The following PRKD1 variants were observed in gnomAD, a reference collection of about 807,000 sequenced individuals.
PRKD1 encodes protein kinase D1, also known as serine/threonine-protein kinase D1.
PRKD1 carries 63 observed loss-of-function variants against 95.9 expected under a neutral mutation model. The ratio of observed to expected loss-of-function variants is 0.66; its 90% CI spans 0.54 to 0.81. The LOEUF (loss-of-function observed/expected upper bound fraction) is 0.81, where lower values mean the gene tolerates loss of function less well. Among genes scored for constraint, PRKD1 ranks in the 30% least tolerant of loss-of-function variants. The probability of loss-of-function intolerance (pLI) is 0.00; values close to 1 mark genes in which losing one functional copy is unlikely to be tolerated. For synonymous variants in PRKD1, 425 were observed against 423.1 expected (o/e 1.00, Z -0.05); for missense variants, 1,048 against 1,165.3 (o/e 0.90, Z 1.47).
At chr14:29,718,066 A>G (rs1885713339) in intron 2 of PRKD1, among the ~76,000 whole-genome samples, 1 of 152,160 alleles carries the variant, frequency 6.6e-6, no homozygotes, top group African/African-American at 2.4e-5. Context: ...CTATGGTAAC[A>G]TTCCAATCTG....
At chr14:29,916,185 C>T (rs1240729323) in intron 1 of PRKD1, among the ~76,000 whole-genome samples, 1 of 152,150 alleles carries the variant, frequency 6.6e-6, no homozygotes. Context: ...ATAAGCTTTT[C>T]AAAATTCTTA....
chr14:29,870,463 G>T (rs530465488), intron 1 of PRKD1, among the ~76,000 whole-genome samples: 10 of 152,212 alleles, frequency 6.6e-5, no homozygotes, highest in Admixed American at 3.9e-4. Context: ...TTTTCATAAA[G>T]TGCTAATCAA....
chr14:29,636,615 GTTTA>G, intron 6 of PRKD1, 121 bp from the exon 7 acceptor site: 1 of 950,722 alleles, frequency 1.1e-6, no homozygotes, highest in Non-Finnish European at 1.5e-6. Flanking sequence ...TCTGTGATGA[GTTTA>G]TTTTTTATTT....
At chr14:29,732,917 T>C (rs942836681) in intron 1 of PRKD1, among the ~76,000 whole-genome samples, 2 of 151,490 alleles carry the variant, frequency 1.3e-5, no homozygotes, top group Non-Finnish European at 2.9e-5. Flanking sequence ...TGAAGTGTTT[T>C]TTTTTTTTTT....
rs138749638 is a variant in PRKD1, at chr14:29,906,351, C to A, written c.264+20898G>T. Among the ~76,000 whole-genome samples, 1,323 of 152,102 alleles carry A rather than the reference C, an allele frequency of 8.7e-3. 7 individuals carry two copies. Among genetic ancestry groups the A allele is most frequent in the Non-Finnish European group, 0.013 (851 of 67,976 alleles). On this transcript the variant is annotated intron_variant, in intron 1 of 17. Coordinates refer to ENST00000331968, the MANE Select transcript of PRKD1 (RefSeq NM_002742.3). ...CCCAGGAGTTCAAGACCAGCCTGGG[C>A]AACACAGGGAGACTCCGTCTCTACA... is the stretch of plus-strand genomic sequence containing the variant.
intron 1 of PRKD1, among the ~76,000 whole-genome samples, chr14:29,813,066 T>C (rs1594541588): frequency 6.6e-6 from 1 of 152,206 alleles, no homozygotes; most frequent in Admixed American, 6.5e-5. Context: ...GCTGAGATCA[T>C]GCCATTGCAC....
At chr14:29,841,817 T>A (rs1039707847) in intron 1 of PRKD1, among the ~76,000 whole-genome samples, 2 of 152,066 alleles carry the variant, frequency 1.3e-5, no homozygotes, top group Non-Finnish European at 2.9e-5. Flanking sequence ...TTTTTAATTT[T>A]AACTTTTAAA....
At chr14:29,694,922 T>C (rs1019484141) in intron 2 of PRKD1, among the ~76,000 whole-genome samples, 7 of 152,102 alleles carry the variant, frequency 4.6e-5, no homozygotes, top group African/African-American at 9.7e-5. Flanking sequence ...TATAAAGCCT[T>C]AGAAGTCACA....
chr14:29,861,488 T>C (rs1892706953), intron 1 of PRKD1, among the ~76,000 whole-genome samples: 1 of 152,218 alleles, frequency 6.6e-6, no homozygotes, highest in Non-Finnish European at 1.5e-5. Flanking sequence ...AGGCATGCAA[T>C]GCATAATAAT....
chr14:29,711,535 T>G (rs1227317095), intron 2 of PRKD1, among the ~76,000 whole-genome samples: 1 of 152,150 alleles, frequency 6.6e-6, no homozygotes, highest in Non-Finnish European at 1.5e-5. Context: ...TCACATAATT[T>G]TAACTTTGGG....
At chr14:29,807,254 G>C (rs1890274316) in intron 1 of PRKD1, among the ~76,000 whole-genome samples, 1 of 152,122 alleles carries the variant, frequency 6.6e-6, no homozygotes, top group Non-Finnish European at 1.5e-5. Context: ...TCTATGGTTT[G>C]AGGTTTGGGG....
At chr14:29,694,105 C>G (rs1304513941) in intron 2 of PRKD1, among the ~76,000 whole-genome samples, 1 of 152,134 alleles carries the variant, frequency 6.6e-6, no homozygotes, top group Non-Finnish European at 1.5e-5. Flanking sequence ...ATAGTTCTTC[C>G]TACTGTTCCT....
chr14:29,922,198 G>A (rs1895140179), intron 1 of PRKD1, among the ~76,000 whole-genome samples: 2 of 151,958 alleles, frequency 1.3e-5, no homozygotes, highest in Non-Finnish European at 2.9e-5. Flanking sequence ...CTACTTGGAA[G>A]GCTGAGGCAG....
Position 29,624,182 on chromosome 14 carries a change from G to T in PRKD1, c.1875C>A (p.Ser625Arg), listed in dbSNP as rs1211831060. Residue 625 changes from serine (S) to arginine (R), a missense_variant, in exon 13 of 18, where the codon AGC (serine) becomes AGA (arginine). Coordinates refer to ENST00000331968, the MANE Select transcript of PRKD1 (RefSeq NM_002742.3). ...DKLRFPTKQESQLRNEVAILQ... is the reference protein window; with the variant it reads ...DKLRFPTKQERQLRNEVAILQ... ...GAATTGCAACCTCATTACGAAGCTG[G>T]CTTTCTTGTTTTGTTGGAAATCGTA... 1 of 1,604,540 alleles carries T rather than the reference G, an allele frequency of 6.2e-7. No individual in the cohort carries two copies.
intron 1 of PRKD1, among the ~76,000 whole-genome samples, chr14:29,775,691 C>T (rs1308294329): frequency 1.3e-5 from 2 of 152,136 alleles, no homozygotes; most frequent in South Asian, 4.1e-4. Context: ...AGGAGGCCTC[C>T]CTGCCTCTGT....
chr14:29,616,462 G>T (rs755753687), intron 13 of PRKD1, among the ~76,000 whole-genome samples: 17 of 150,000 alleles, frequency 1.1e-4, no homozygotes, highest in Non-Finnish European at 1.5e-4. Flanking sequence ...TTTTTTCCAA[G>T]AGACAGGGTC....
At chr14:29,647,422 A>G (rs113679015) in intron 4 of PRKD1, among the ~76,000 whole-genome samples, 158 of 152,354 alleles carry the variant, frequency 1.0e-3, no homozygotes, top group Non-Finnish European at 2.1e-3. Flanking sequence ...AGAAGAAAAT[A>G]ACTGCATGTC....
intron 1 of PRKD1, among the ~76,000 whole-genome samples, chr14:29,907,683 T>A (rs1309838538): frequency 6.6e-6 from 1 of 152,228 alleles, no homozygotes; most frequent in Non-Finnish European, 1.5e-5. Context: ...AACTGTTTCT[T>A]TTGCAAAAGA....
At chr14:29,691,233 C>A (rs1467396642) in intron 2 of PRKD1, among the ~76,000 whole-genome samples, 1 of 152,218 alleles carries the variant, frequency 6.6e-6, no homozygotes, top group Admixed American at 6.5e-5. Flanking sequence ...CACATCCAAA[C>A]TATGTAGAAC....
Sources: allele counts gnomAD v4.1 joint callset (sites outside exome capture counted in the v4.1 genomes callset), GRCh38; gene constraint gnomAD v4.1.1; transcripts MANE v1.5; gene names NCBI Gene and HGNC (gene_info 2026-07-23, HGNC 2026-07-21).